DNAH7: variants seen among roughly 807,000 people sequenced by gnomAD.
DNAH7 encodes the protein axonemal beta dynein heavy chain 7.
DNAH7 carries 397 observed loss-of-function variants against 444.6 expected under a neutral mutation model. The ratio of observed to expected loss-of-function variants is 0.89; its 90% CI spans 0.82 to 0.97. The LOEUF (loss-of-function observed/expected upper bound fraction) is 0.97, where lower values mean the gene tolerates loss of function less well. Among genes scored for constraint, DNAH7 ranks in the 50% least tolerant of loss-of-function variants. DNAH7 has a pLI of 0.00. For missense variants in DNAH7, 4,902 were observed against 4,800.8 expected, an observed-to-expected ratio of 1.02 and a Z score of -0.62; for synonymous variants, 1,636 against 1,624.4, an observed-to-expected ratio of 1.01 and a Z score of -0.17.
At chr2:195,800,350 T>C (rs1696384879) in intron 54 of DNAH7, among the ~76,000 whole-genome samples, 2 of 152,208 alleles carry the variant, frequency 1.3e-5, no homozygotes. Context: ...TGAATATAAA[T>C]TCCAATCACG....
Position 195,858,540 on chromosome 2 carries a change from A to C in DNAH7, c.8001T>G (p.Ala2667=), listed in dbSNP as rs978974618. 1.2e-6 allele frequency: 2 copies of C among 1,613,872 alleles called. No individual in the cohort carries two copies. The highest frequency in any genetic ancestry group is 1.7e-5 in the Admixed American group (1 of 59,918). The change falls in exon 43 of 65, where the codon GCT becomes GCG. Residue 2667 remains alanine (A), a synonymous_variant. Transcript: ENST00000312428. The part of the protein sequence containing the change: ...ASKAIKDECD[A]DLAGALPILE... The stretch of plus-strand genomic sequence containing the variant: ...ATATTGGCAAGGCACCTGCCAGGTC[A>C]GCATCGCACTCATCTTTGATGGCTT...
intron 8 of DNAH7, among the ~76,000 whole-genome samples, chr2:196,023,699 AT>A (rs1186876930): frequency 1.3e-5 from 2 of 152,194 alleles, no homozygotes; most frequent in Non-Finnish European, 2.9e-5. Flanking sequence ...GTTCAATGGA[AT>A]AGCACTTTTA....
chr2:195,838,691 A>T (rs1698514517), intron 47 of DNAH7, among the ~76,000 whole-genome samples: 1 of 151,988 alleles, frequency 6.6e-6, no homozygotes, highest in East Asian at 1.9e-4. Flanking sequence ...TGTCTACAAG[A>T]TACCCACTTT....
At chr2:195,964,345 G>A (rs1165153700) in intron 17 of DNAH7, among the ~76,000 whole-genome samples, 1 of 151,978 alleles carries the variant, frequency 6.6e-6, no homozygotes, top group African/African-American at 2.4e-5. Context: ...TTTCATTGTA[G>A]AGATCTGTGG....
intron 24 of DNAH7, among the ~76,000 whole-genome samples, chr2:195,921,738 T>C (rs763022446): frequency 2.6e-5 from 4 of 152,216 alleles, no homozygotes; most frequent in African/African-American, 7.2e-5. Flanking sequence ...CATAAACCTA[T>C]TGAAATAATA....
chr2:195,897,629 T>A, intron 29 of DNAH7, 38 bp downstream of exon 29: 1 of 1,174,288 alleles, frequency 8.5e-7, no homozygotes, highest in Non-Finnish European at 1.2e-6. Context: ...TACATTATTA[T>A]AAGAGTTTTG....
At chr2:196,017,334 T>G (rs1695095393) in intron 9 of DNAH7, among the ~76,000 whole-genome samples, 1 of 152,144 alleles carries the variant, frequency 6.6e-6, no homozygotes. Flanking sequence ...CTTAATTTAA[T>G]TACACATGTC....
At chr2:195,999,293 A>G in intron 12 of DNAH7, 1 of 701,854 alleles carries the variant, frequency 1.4e-6, no homozygotes, top group Non-Finnish European at 2.6e-6. Context: ...TGTAACCACA[A>G]GTCTATTTTC....
At position 196,012,205 on chromosome 2, in the gene DNAH7, T is replaced by C. The variant is rs60669226; in HGVS notation, c.989+582A>G. ...CTGTTTATAATAACTTAATGACCCATGAGAGAAACAATTTTCCTAAGTTGC... is the reference window on the plus strand; with the variant it reads ...CTGTTTATAATAACTTAATGACCCACGAGAGAAACAATTTTCCTAAGTTGC... On this transcript the variant is annotated intron_variant, in intron 10 of 64. Coordinates refer to ENST00000312428, the MANE Select transcript of DNAH7 (RefSeq NM_018897.3). Among the ~76,000 whole-genome samples, 2,984 of 152,228 alleles carry C rather than the reference T, an allele frequency of 0.02. 251 individuals are homozygous for C. The East Asian group carries it at 0.27, about 14-fold the overall frequency.
intron 18 of DNAH7, among the ~76,000 whole-genome samples, chr2:195,959,350 AT>A (rs1486889543): frequency 2.0e-5 from 3 of 151,996 alleles, no homozygotes; most frequent in African/African-American, 7.3e-5. Flanking sequence ...TTTCTATCTA[AT>A]TTTTGTGTGA....
At position 195,900,345 on chromosome 2, in the gene DNAH7, T is replaced by C. The variant is rs1292768921; in HGVS notation, c.4485A>G (p.Gln1495=). Residue 1495 remains glutamine, a synonymous_variant, in exon 28 of 65, where the codon CAA becomes CAG. Transcript: ENST00000312428. Reference sequence around the variant, plus strand: ...CTCTCATTCCATAGTCGTAGTGATGTTGAGATGACAGCTGCTCTGAACACA... The same window carrying C: ...CTCTCATTCCATAGTCGTAGTGATGCTGAGATGACAGCTGCTCTGAACACA... ...YRLCSEQLSS[Q]HHYDYGMRAV... is the part of the protein sequence containing the mutation. The C allele has an allele frequency of 1.2e-6, 2 of 1,614,050 alleles. No individual in the cohort carries two copies. Among genetic ancestry groups the C allele is most frequent in the East Asian group, 2.2e-5 (1 of 44,862 alleles).
intron 49 of DNAH7, among the ~76,000 whole-genome samples, chr2:195,819,713 A>G (rs573392409): frequency 1.3e-5 from 2 of 152,288 alleles, no homozygotes; most frequent in South Asian, 4.1e-4. Flanking sequence ...AGGGAGGCAA[A>G]AAGGACTTCC....
At chr2:195,827,454 T>C (rs938508017) in intron 48 of DNAH7, among the ~76,000 whole-genome samples, 4 of 151,936 alleles carry the variant, frequency 2.6e-5, no homozygotes, top group Non-Finnish European at 5.9e-5. Context: ...ATTTTTTGTG[T>C]TTTTGGTAAA....
intron 5 of DNAH7, among the ~76,000 whole-genome samples, chr2:196,038,677 T>C (rs1696542281): frequency 6.6e-6 from 1 of 152,148 alleles, no homozygotes; most frequent in South Asian, 2.1e-4. Context: ...GGTTTAGAAT[T>C]TGCATGGTAT....
chr2:195,773,109 C>T (rs1163640060), intron 60 of DNAH7, among the ~76,000 whole-genome samples: 1 of 152,112 alleles, frequency 6.6e-6, no homozygotes, highest in Non-Finnish European at 1.5e-5. Flanking sequence ...CTACTTACCA[C>T]ATACCACCAT....
intron 12 of DNAH7, among the ~76,000 whole-genome samples, chr2:195,990,769 G>T: frequency 8.0e-6 from 1 of 125,396 alleles, no homozygotes. Flanking sequence ...GGTTACTATA[G>T]CTTTGTTGTG....
At chr2:195,805,644 A>G (rs1008864855) in intron 54 of DNAH7, among the ~76,000 whole-genome samples, 3 of 152,150 alleles carry the variant, frequency 2.0e-5, no homozygotes, top group Admixed American at 6.6e-5. Context: ...ATTAAAAATT[A>G]TATTTTACCA....
chr2:195,995,001 C>T, intron 12 of DNAH7: 1 of 259,304 alleles, frequency 3.9e-6, no homozygotes, highest in East Asian at 1.1e-4. Context: ...GCAATCTCGG[C>T]TCACTGCAAC....
chr2:195,840,203 T>C (rs1032484888), intron 47 of DNAH7, among the ~76,000 whole-genome samples: 5 of 151,658 alleles, frequency 3.3e-5, no homozygotes, highest in African/African-American at 1.2e-4. Context: ...TAGTTCAACA[T>C]TCAAAAATCA....
Sources: gnomAD v4.1 joint callset for allele counts (sites outside exome capture counted in the v4.1 genomes callset) on GRCh38, gnomAD v4.1.1 for gene constraint, MANE v1.5 for transcripts, NCBI Gene and HGNC (gene_info 2026-07-23, HGNC 2026-07-21) for gene names.